Variants in HPSE2 observed in about 807,000 individuals in gnomAD.
The protein encoded by HPSE2 is heparanase 2 (inactive), also known as inactive heparanase-2.
Under a neutral mutation model 60.5 loss-of-function variants are expected in HPSE2, and 38 were observed. The ratio of observed to expected loss-of-function variants is 0.63; its 90% confidence interval spans 0.48 to 0.82. The LOEUF is 0.82. HPSE2 is among the 40% of genes least tolerant of loss of function. The probability of loss-of-function intolerance (pLI) is 0.00; values close to 1 mark genes in which losing one functional copy is unlikely to be tolerated. For synonymous variants in HPSE2, 295 were observed against 293.2 expected, an observed-to-expected ratio of 1.01 and a Z score of -0.06; for missense variants, 713 against 740.4, an observed-to-expected ratio of 0.96 and a Z score of 0.43.
At chr10:98,937,523 C>G (rs1425307849) in intron 3 of HPSE2, among the ~76,000 whole-genome samples, 2 of 144,078 alleles carry the variant, frequency 1.4e-5, no homozygotes, top group East Asian at 2.0e-4. Flanking sequence ...AGGCAGCAGC[C>G]AGGCTGGGGG....
At chr10:99,258,034 G>A in the HPSE2 span, among the ~76,000 whole-genome samples, 1 of 152,106 alleles carries the variant, frequency 6.6e-6, no homozygotes, top group East Asian at 1.9e-4. Context: ...CCAGCTACTT[G>A]GGAGGCTGAG....
intron 2 of HPSE2, among the ~76,000 whole-genome samples, chr10:99,170,539 G>A (rs1442739451): frequency 6.6e-6 from 1 of 152,070 alleles, no homozygotes; most frequent in Non-Finnish European, 1.5e-5. Context: ...TATTTCTAAG[G>A]CCCTCCTCAT....
chr10:99,268,442 G>C, the HPSE2 span, among the ~76,000 whole-genome samples: 1 of 152,098 alleles, frequency 6.6e-6, no homozygotes, highest in Non-Finnish European at 1.5e-5. Flanking sequence ...AGGAGTTCGA[G>C]AACAGCCTGG....
Position 98,476,036 on chromosome 10 carries a change from C to T in HPSE2, c.1613+6600G>A, listed in dbSNP as rs377001474. On this transcript the variant is annotated intron_variant, in intron 11 of 11. Coordinates refer to ENST00000370552, the MANE Select transcript of HPSE2 (RefSeq NM_021828.5). ...GACACATGCACACGTATGTTTATTG[C>T]GGCACTATTCACAATAGCAAAGACT... Among the ~76,000 whole-genome samples the T allele has an allele frequency of 5.0e-4, 76 of 151,612 alleles. 2 individuals are homozygous for T. The South Asian group carries it at 6.7e-3, about 13-fold the overall frequency.
intron 3 of HPSE2, among the ~76,000 whole-genome samples, chr10:99,067,838 T>C (rs1318903446): frequency 6.6e-6 from 1 of 152,246 alleles, no homozygotes; most frequent in African/African-American, 2.4e-5. Flanking sequence ...AGGCTTGAAT[T>C]TCTCCTCAGA....
At chr10:99,025,106 TACA>T (rs767949775) in intron 3 of HPSE2, among the ~76,000 whole-genome samples, 4 of 152,082 alleles carry the variant, frequency 2.6e-5, no homozygotes, top group Non-Finnish European at 5.9e-5. Context: ...AAATAATAAC[TACA>T]ACAACTTTTC....
intron 3 of HPSE2, among the ~76,000 whole-genome samples, chr10:98,821,442 T>C (rs1236141706): frequency 6.6e-6 from 1 of 152,036 alleles, no homozygotes; most frequent in African/African-American, 2.4e-5. Context: ...ACAGTAAAAA[T>C]AAGGTATTAC....
intron 3 of HPSE2, among the ~76,000 whole-genome samples, chr10:98,989,488 G>T (rs1337828563): frequency 3.5e-5 from 5 of 143,634 alleles, no homozygotes; most frequent in African/African-American, 1.0e-4. Flanking sequence ...AAACACCGGG[G>T]ACTGTTGTGG....
intron 3 of HPSE2, among the ~76,000 whole-genome samples, chr10:98,921,236 T>G (rs906220890): frequency 3.9e-5 from 6 of 152,244 alleles, no homozygotes; most frequent in African/African-American, 1.4e-4. Context: ...TGGCACATAC[T>G]GAGCACTCAG....
At chr10:98,595,146 G>A in intron 9 of HPSE2, among the ~76,000 whole-genome samples, 1 of 146,448 alleles carries the variant, frequency 6.8e-6, no homozygotes, top group South Asian at 2.2e-4. Context: ...AAGTATTTCT[G>A]TAGCTATTAT....
intron 9 of HPSE2, among the ~76,000 whole-genome samples, chr10:98,516,821 G>A (rs1243020529): frequency 6.6e-6 from 1 of 152,166 alleles, no homozygotes; most frequent in East Asian, 1.9e-4. Flanking sequence ...GTAGGGGCCT[G>A]AAATACAAAG....
intron 3 of HPSE2, among the ~76,000 whole-genome samples, chr10:98,843,369 C>A (rs911674866): frequency 7.2e-5 from 11 of 152,046 alleles, no homozygotes; most frequent in Admixed American, 2.6e-4. Flanking sequence ...ACTTAAAATT[C>A]TAGATTGGGG....
At chr10:99,199,842 G>A (rs1848517631) in intron 2 of HPSE2, among the ~76,000 whole-genome samples, 3 of 152,124 alleles carry the variant, frequency 2.0e-5, no homozygotes, top group South Asian at 4.1e-4. Context: ...ATTCTGATAG[G>A]GATTGCATTG....
intron 3 of HPSE2, among the ~76,000 whole-genome samples, chr10:98,780,898 G>C (rs1369743364): frequency 6.6e-6 from 1 of 152,052 alleles, no homozygotes; most frequent in African/African-American, 2.4e-5. Context: ...AACATTTCCT[G>C]GATTCCCTTG....
intron 2 of HPSE2, among the ~76,000 whole-genome samples, chr10:99,166,034 G>A (rs940141486): frequency 6.6e-6 from 1 of 152,106 alleles, no homozygotes; most frequent in Non-Finnish European, 1.5e-5. Context: ...CTCTTTTACA[G>A]AATGTCATAA....
intron 3 of HPSE2, among the ~76,000 whole-genome samples, chr10:99,118,197 A>C (rs1356295967): frequency 1.3e-5 from 2 of 152,140 alleles, no homozygotes; most frequent in African/African-American, 4.8e-5. Context: ...ACACCCCTTC[A>C]TGTTAAAAAC....
chr10:99,302,806 G>T, the HPSE2 span, among the ~76,000 whole-genome samples: 1 of 151,390 alleles, frequency 6.6e-6, no homozygotes, highest in Non-Finnish European at 1.5e-5. Flanking sequence ...GCCTGTAATG[G>T]CCCAGGAAGA....
At chr10:98,977,194 C>T (rs183480354) in intron 3 of HPSE2, among the ~76,000 whole-genome samples, 161 of 152,288 alleles carry the variant, frequency 1.1e-3, no homozygotes, top group Non-Finnish European at 2.1e-3. Flanking sequence ...CTGTGATAGA[C>T]TAGAAGGTCC....
intron 3 of HPSE2, among the ~76,000 whole-genome samples, chr10:98,943,963 A>C (rs1955102350): frequency 6.6e-6 from 1 of 152,194 alleles, no homozygotes; most frequent in African/African-American, 2.4e-5. Context: ...TAAGCCACTC[A>C]GTTTTGGAGT....
Sources: allele counts gnomAD v4.1 joint callset (sites outside exome capture counted in the v4.1 genomes callset), GRCh38; gene constraint gnomAD v4.1.1; transcripts MANE v1.5; gene names NCBI Gene and HGNC (gene_info 2026-07-23, HGNC 2026-07-21).